Variants in EML4 observed in about 807,000 individuals in gnomAD.
EML4 encodes echinoderm microtubule-associated protein-like 4.
In EML4, 72 loss-of-function variants were observed where a neutral mutation model predicts 129.0. The observed-to-expected ratio is 0.56, with a 90% CI of 0.46 to 0.68. EML4 has a LOEUF of 0.68. Among genes scored for constraint, EML4 ranks in the 30% least tolerant of loss-of-function variants. The pLI, the probability that EML4 is intolerant of heterozygous loss-of-function variation, is 0.00. For missense variants in EML4, 1,363 were observed against 1,190.6 expected, an observed-to-expected ratio of 1.14 and a Z score of -2.13; for synonymous variants, 532 against 405.0, an observed-to-expected ratio of 1.31 and a Z score of -3.77.
intron 1 of EML4, among the ~76,000 whole-genome samples, chr2:42,190,778 A>G (rs999916567): frequency 6.6e-6 from 1 of 152,242 alleles, no homozygotes. Context: ...GAAAGCAGCC[A>G]TAAACAATAT....
intron 7 of EML4, among the ~76,000 whole-genome samples, chr2:42,281,865 GCCTCCATTCTC>G (rs1184676804): frequency 6.6e-6 from 1 of 152,116 alleles, no homozygotes; most frequent in African/African-American, 2.4e-5. Context: ...TCTGTTGTCT[GCCTCCATTCTC>G]CTGCACTTCC....
At chr2:42,211,065 C>G (rs530829699) in intron 1 of EML4, among the ~76,000 whole-genome samples, 3 of 152,292 alleles carry the variant, frequency 2.0e-5, no homozygotes, top group Admixed American at 6.5e-5. Context: ...ATCCTGTCTC[C>G]TTTGCAACTA....
intron 1 of EML4, among the ~76,000 whole-genome samples, chr2:42,193,789 A>G (rs1332081246): frequency 6.6e-6 from 1 of 151,890 alleles, no homozygotes; most frequent in Non-Finnish European, 1.5e-5. Context: ...GGGCTCAAGC[A>G]GTCTTCCTGC....
At chr2:42,271,897 G>A (rs1666391815) in intron 6 of EML4, among the ~76,000 whole-genome samples, 1 of 152,076 alleles carries the variant, frequency 6.6e-6, no homozygotes, top group African/African-American at 2.4e-5. Flanking sequence ...GAGGTCAGGA[G>A]TTTGAGACCA....
intron 6 of EML4, among the ~76,000 whole-genome samples, chr2:42,278,364 G>A (rs1048911280): frequency 1.3e-5 from 2 of 151,984 alleles, no homozygotes; most frequent in South Asian, 2.1e-4. Context: ...ACTTGAAGTC[G>A]GAAGTTTGAG....
intron 1 of EML4, among the ~76,000 whole-genome samples, chr2:42,230,357 G>A (rs934225752): frequency 6.6e-6 from 1 of 151,162 alleles, no homozygotes; most frequent in African/African-American, 2.4e-5. Flanking sequence ...GAGTTGTGTG[G>A]TATATACAAT....
chr2:42,266,984 A>C (rs1302387593), intron 6 of EML4, among the ~76,000 whole-genome samples: 14 of 152,212 alleles, frequency 9.2e-5, no homozygotes, highest in African/African-American at 3.4e-4. Flanking sequence ...AACTTAACCT[A>C]CATGTAGAGA....
intron 1 of EML4, among the ~76,000 whole-genome samples, chr2:42,242,918 C>A (rs1347683108): frequency 6.6e-6 from 1 of 151,984 alleles, no homozygotes; most frequent in Non-Finnish European, 1.5e-5. Flanking sequence ...GCTGGGACTA[C>A]AAACACGTGC....
chr2:42,191,275 G>C (rs1671564072), intron 1 of EML4, among the ~76,000 whole-genome samples: 1 of 152,064 alleles, frequency 6.6e-6, no homozygotes, highest in Non-Finnish European at 1.5e-5. Context: ...ATTATCATTA[G>C]AACTCTGTCT....
intron 1 of EML4, among the ~76,000 whole-genome samples, chr2:42,241,240 C>G (rs983050579): frequency 6.6e-6 from 1 of 152,010 alleles, no homozygotes; most frequent in Non-Finnish European, 1.5e-5. Flanking sequence ...TTATTGAATT[C>G]TCAAAGAAAT....
At chr2:42,244,786 G>C (rs1267272233) in intron 1 of EML4, among the ~76,000 whole-genome samples, 2 of 152,062 alleles carry the variant, frequency 1.3e-5, no homozygotes, top group African/African-American at 2.4e-5. Flanking sequence ...TGATTTATAT[G>C]CCTTTTCTGT....
At chr2:42,228,754 A>G (rs996032937) in intron 1 of EML4, among the ~76,000 whole-genome samples, 5 of 152,120 alleles carry the variant, frequency 3.3e-5, no homozygotes, top group South Asian at 4.1e-4. Flanking sequence ...CAAGTGTTGT[A>G]TTGTACTTTA....
At chr2:42,230,003 A>G (rs888540416) in intron 1 of EML4, among the ~76,000 whole-genome samples, 2 of 152,152 alleles carry the variant, frequency 1.3e-5, no homozygotes, top group African/African-American at 2.4e-5. Flanking sequence ...CTTTTCTATC[A>G]TGCAATTATT....
In EML4 at chr2:42,189,095, G is replaced by A. The variant is rs1005767535; in HGVS notation, c.25+19459G>A. Among the ~76,000 whole-genome samples the A allele has an allele frequency of 2.0e-5, 3 of 152,010 alleles. No homozygotes were observed. The East Asian group carries it at 5.8e-4, about 29-fold the overall frequency. On this transcript the variant is annotated intron_variant, in intron 1 of 22. Coordinates refer to ENST00000318522, the MANE Select transcript of EML4 (RefSeq NM_019063.5). ...TTGCCTAGGCTGGTCTCAAATTCCT[G>A]GGCTCAAGCAGTCCTCCCTACTCGG... is the stretch of plus-strand genomic sequence containing the variant.
At chr2:42,189,259 G>A (rs1396798542) in intron 1 of EML4, among the ~76,000 whole-genome samples, 1 of 152,198 alleles carries the variant, frequency 6.6e-6, no homozygotes, top group African/African-American at 2.4e-5. Context: ...TTATAAGAGA[G>A]TCTTGCTGAT....
chr2:42,209,640 A>G (rs1475967191), intron 1 of EML4, among the ~76,000 whole-genome samples: 5 of 152,290 alleles, frequency 3.3e-5, no homozygotes, highest in South Asian at 2.1e-4. Context: ...TAAAAAACTG[A>G]TAAGATTGGC....
intron 1 of EML4, among the ~76,000 whole-genome samples, chr2:42,234,338 G>T (rs909706816): frequency 6.6e-6 from 1 of 152,220 alleles, no homozygotes. Context: ...ATCTGGGAAG[G>T]TGGTATTCCT....
intron 6 of EML4, among the ~76,000 whole-genome samples, chr2:42,266,000 G>T (rs1442272202): frequency 6.6e-6 from 1 of 152,150 alleles, no homozygotes; most frequent in African/African-American, 2.4e-5. Context: ...CGTCCTTTCT[G>T]TGCATGGTTT....
chr2:42,223,904 A>G (rs1399011179), intron 1 of EML4, among the ~76,000 whole-genome samples: 3 of 152,098 alleles, frequency 2.0e-5, no homozygotes, highest in Admixed American at 6.5e-5. Flanking sequence ...TGGCCTTTTC[A>G]CATACTAATA....
Sources: allele counts gnomAD v4.1 joint callset (sites outside exome capture counted in the v4.1 genomes callset), GRCh38; gene constraint gnomAD v4.1.1; transcripts MANE v1.5; gene names NCBI Gene and HGNC (gene_info 2026-07-23, HGNC 2026-07-21).